Variants in ZFR observed in about 807,000 individuals in gnomAD.
ZFR encodes zinc finger RNA-binding protein.
A neutral mutation model predicts 130.7 loss-of-function variants in ZFR; 19 were observed. That is an observed-to-expected ratio of 0.15 (90% CI 0.10 to 0.21). The LOEUF (loss-of-function observed/expected upper bound fraction) is 0.21, where lower values mean the gene tolerates loss of function less well. ZFR is among the 10% of genes least tolerant of loss of function. The pLI is 1.00. For synonymous variants in ZFR, 466 were observed against 456.9 expected, an observed-to-expected ratio of 1.02 and a Z score of -0.25; for missense variants, 872 against 1,321.5, an observed-to-expected ratio of 0.66 and a Z score of 5.27.
intron 5 of ZFR, among the ~76,000 whole-genome samples, chr5:32,412,953 G>C (rs967803966): frequency 6.6e-6 from 1 of 152,150 alleles, no homozygotes; most frequent in African/African-American, 2.4e-5. Context: ...ACTCTGGGAG[G>C]CCAAGGTGGG....
At chr5:32,429,840 G>A (rs1004217914) in intron 2 of ZFR, among the ~76,000 whole-genome samples, 2 of 152,056 alleles carry the variant, frequency 1.3e-5, no homozygotes, top group African/African-American at 4.8e-5. Context: ...AGGTCAAAGG[G>A]GGAGAATCAC....
chr5:32,431,993 A>AT (rs572737993), intron 2 of ZFR, among the ~76,000 whole-genome samples: 5,760 of 137,514 alleles, frequency 0.042, 110 homozygotes, highest in Middle Eastern at 0.067. Context: ...ATGCCCAGCT[A>AT]TTTTTTTTTT....
intron 17 of ZFR, among the ~76,000 whole-genome samples, chr5:32,365,406 C>T (rs565722800): frequency 2.6e-5 from 4 of 152,004 alleles, no homozygotes; most frequent in Non-Finnish European, 2.9e-5. Context: ...AAAGAAATAG[C>T]GCACATTAAC....
intron 1 of ZFR, 74 bp downstream of exon 1, chr5:32,444,548 A>AC (rs1754562146): frequency 7.0e-7 from 1 of 1,422,908 alleles, no homozygotes; most frequent in Non-Finnish European, 9.2e-7. Flanking sequence ...GCCTGCCCCA[A>AC]CCCCCGCGGC....
intron 2 of ZFR, among the ~76,000 whole-genome samples, chr5:32,435,887 T>G (rs1444154260): frequency 6.6e-6 from 1 of 152,206 alleles, no homozygotes; most frequent in African/African-American, 2.4e-5. Context: ...CAAACTTATT[T>G]TAAGCAAAAT....
At chr5:32,375,580 G>A (rs533872500) in intron 17 of ZFR, among the ~76,000 whole-genome samples, 2 of 152,230 alleles carry the variant, frequency 1.3e-5, no homozygotes, top group South Asian at 4.2e-4. Context: ...CACAATCATG[G>A]CTCACTGTAG....
chr5:32,395,919 T>A (rs189828132), intron 10 of ZFR, among the ~76,000 whole-genome samples: 1 of 152,204 alleles, frequency 6.6e-6, no homozygotes, highest in Non-Finnish European at 1.5e-5. Flanking sequence ...TGGTCATTAG[T>A]AGGCTTTTAG....
chr5:32,444,395 G>A (rs568911867), intron 1 of ZFR, 67 bp from the exon 2 acceptor site: 2 of 1,486,666 alleles, frequency 1.3e-6, no homozygotes, highest in East Asian at 5.4e-5. Context: ...GAGACGCCGA[G>A]GGAGGGCAGG....
chr5:32,418,482 CAA>C lies in ZFR; in HGVS notation c.421-692_421-691del, dbSNP rs200892587. ...TTGCTCCTTTTCAGTATTTCTTTTT[CAA>C]GAAAGATCAAGGTGAGCTGAGTGAA... On this transcript the variant is annotated intron_variant, in intron 3 of 19. Transcript: ENST00000265069. 7.7e-3 allele frequency among the ~76,000 whole-genome samples: 1,175 copies of C among 152,124 alleles called. 14 individuals carry two copies. Among genetic ancestry groups the C allele is most frequent in the African/African-American group, 0.027 (1,110 of 41,522 alleles).
intron 10 of ZFR, among the ~76,000 whole-genome samples, chr5:32,396,448 C>T (rs1753313677): frequency 6.6e-6 from 1 of 151,558 alleles, no homozygotes; most frequent in South Asian, 2.1e-4. Context: ...TAGTTAAAAA[C>T]TTCAAATACA....
At chr5:32,405,632 C>G (rs1319354823) in intron 6 of ZFR, among the ~76,000 whole-genome samples, 2 of 152,184 alleles carry the variant, frequency 1.3e-5, no homozygotes, top group Non-Finnish European at 2.9e-5. Flanking sequence ...CCCCTCTGAA[C>G]AGTCAACATA....
chr5:32,386,021 T>C (rs191554079), intron 14 of ZFR, among the ~76,000 whole-genome samples: 3 of 152,252 alleles, frequency 2.0e-5, no homozygotes, highest in East Asian at 3.9e-4. Context: ...TTTATTCCCA[T>C]ATTGTACATT....
intron 17 of ZFR, among the ~76,000 whole-genome samples, chr5:32,373,229 C>T (rs1752717137): frequency 6.6e-6 from 1 of 152,102 alleles, no homozygotes; most frequent in African/African-American, 2.4e-5. Context: ...CCCATCTCTA[C>T]TAAAAATACA....
chr5:32,444,108 C>G (rs1167730683), intron 2 of ZFR, 121 bp downstream of exon 2: 1 of 1,104,478 alleles, frequency 9.1e-7, no homozygotes, highest in African/African-American at 1.6e-5. Flanking sequence ...TGGGCCGGGC[C>G]AGGCCTGCAG....
intron 19 of ZFR, among the ~76,000 whole-genome samples, chr5:32,360,950 T>C (rs144648140): frequency 6.6e-6 from 1 of 152,266 alleles, no homozygotes; most frequent in Non-Finnish European, 1.5e-5. Flanking sequence ...GTAGCTGCGA[T>C]TACAGGTGCA....
At chr5:32,433,476 A>G (rs924945441) in intron 2 of ZFR, among the ~76,000 whole-genome samples, 4 of 152,178 alleles carry the variant, frequency 2.6e-5, no homozygotes, top group Non-Finnish European at 4.4e-5. Context: ...GATTTGAAAT[A>G]TATCTCTAAC....
chr5:32,396,939 GAATT>G (rs1226357698), intron 10 of ZFR, among the ~76,000 whole-genome samples: 5 of 152,272 alleles, frequency 3.3e-5, no homozygotes, highest in African/African-American at 1.2e-4. Context: ...CATTTTATGT[GAATT>G]AATTATCTTT....
chr5:32,409,002 C>T (rs931943933), intron 5 of ZFR, among the ~76,000 whole-genome samples: 1 of 152,182 alleles, frequency 6.6e-6, no homozygotes, highest in African/African-American at 2.4e-5. Flanking sequence ...CCTATGTGTA[C>T]AGACATATTG....
chr5:32,409,945 C>T (rs967257492), intron 5 of ZFR, among the ~76,000 whole-genome samples: 6 of 151,816 alleles, frequency 4.0e-5, no homozygotes, highest in Admixed American at 3.3e-4. Flanking sequence ...TACACTCCAG[C>T]CTGGGTGACA....
Sources: allele counts gnomAD v4.1 joint callset (sites outside exome capture counted in the v4.1 genomes callset), GRCh38; gene constraint gnomAD v4.1.1; transcripts MANE v1.5; gene names NCBI Gene and HGNC (gene_info 2026-07-23, HGNC 2026-07-21).